Variants in PYGM observed in about 807,000 individuals in gnomAD.
The protein encoded by PYGM is glycogen phosphorylase, muscle form.
Under a neutral mutation model 99.3 loss-of-function variants are expected in PYGM, and 81 were observed. The observed-to-expected ratio is 0.82, with a 90% CI of 0.68 to 0.98. The LOEUF (loss-of-function observed/expected upper bound fraction) is 0.98, where lower values mean the gene tolerates loss of function less well. Ranked by LOEUF, PYGM falls within the 50% of genes least tolerant of loss-of-function variation. PYGM has a pLI of 0.00. For missense variants in PYGM, 1,030 were observed against 1,158.1 expected (o/e 0.89, Z 1.61); for synonymous variants, 436 against 451.5 (o/e 0.97, Z 0.44).
In PYGM at chr11:64,754,414, A is replaced by G; in HGVS notation, c.1000-69T>C. On this transcript the variant is annotated intron_variant, in intron 8 of 19. Coordinates refer to ENST00000164139, the MANE Select transcript of PYGM (RefSeq NM_005609.4). The surrounding 1 kb of genome is among the most constrained non-coding windows in gnomAD (Gnocchi z 5.5). ...CATGCTATGGTCACTGCCCTATGCC[A>G]TTTGGAGGCCCCCAGAGAGCCCAGC... 1 of 1,249,150 alleles carries G rather than the reference A, an allele frequency of 8.0e-7. No individual in the cohort carries two copies. Among genetic ancestry groups the G allele is most frequent in the Non-Finnish European group, 1.1e-6 (1 of 892,654 alleles). The allele number at this position is 1,249,150 out of a possible 1,614,324, so 77.4% of individuals were successfully genotyped here.
intron 11 of PYGM, 84 bp from the exon 12 acceptor site, chr11:64,753,271 G>T: frequency 7.5e-7 from 1 of 1,339,590 alleles, no homozygotes; most frequent in Non-Finnish European, 1.1e-6. Context: ...CTGGTGTCTT[G>T]CTGAAAGGGG....
chr11:64,751,474 GACA>G lies in PYGM; in HGVS notation c.1828-11_1828-9del, dbSNP rs771292862. The G allele has an allele frequency of 6.2e-7, 1 of 1,614,148 alleles. No homozygotes were observed. Among genetic ancestry groups the G allele is most frequent in the Non-Finnish European group, 8.5e-7 (1 of 1,180,034 alleles). On this transcript the variant is annotated splice_polypyrimidine_tract_variant and intron_variant, in intron 15 of 19. Coordinates refer to ENST00000164139, the MANE Select transcript of PYGM (RefSeq NM_005609.4). ...GTGGTACCCAGGTGCAGCCTGAGGG[GACA>G]AAGTCTGGGGTCAGCTCTACTGCCT...
Position 64,750,450 on chromosome 11 carries a change from TG to T in PYGM, c.2102del (p.Ala701GlufsTer46). The T allele has an allele frequency of 6.2e-7, 1 of 1,614,198 alleles. No individual in the cohort carries two copies. The highest frequency in any genetic ancestry group is 8.5e-7 in the Non-Finnish European group (1 of 1,180,032). On this transcript the variant is annotated frameshift_variant, in exon 17 of 20. Transcript: ENST00000164139. LOFTEE classifies it high-confidence loss of function. ...AGAAGTTTTCCTCTCCCGCCTCTTC[TG>T]CCATCTCCACATTGGCCCCGTCCAT... ...GTMDGANVEMAEEAGEENFFI... is the reference protein window; with the variant it reads ...GTMDGANVEMXEEAGEENFFI...
In PYGM at chr11:64,751,241, G is replaced by A. The variant is rs943380466; in HGVS notation, c.1969+84C>T. 2.5e-6 allele frequency: 4 copies of A among 1,574,446 alleles called. No individual in the cohort carries two copies. The African/African-American group carries it at 5.4e-5, about 21-fold the overall frequency. On this transcript the variant is annotated intron_variant, in intron 16 of 19. Coordinates refer to ENST00000164139, the MANE Select transcript of PYGM (RefSeq NM_005609.4). ...CTCCAGATTCTTCTTTCAAGTACAA[G>A]TATCCCAGGAAGAGACGACTGATAC...
In PYGM at chr11:64,754,914, A is replaced by T; in HGVS notation, c.856-78T>A. On this transcript the variant is annotated intron_variant, in intron 7 of 19. Transcript: ENST00000164139. The surrounding 1 kb of genome is among the most constrained non-coding windows in gnomAD (Gnocchi z 5.5). ...GCTGCGGTGGGTGTGGCCAGGAGGG[A>T]CTCCCACCCATACCGGGACCCCTGA... The T allele has an allele frequency of 3.2e-6, 5 of 1,575,380 alleles. No individual in the cohort carries two copies. Among genetic ancestry groups the T allele is most frequent in the Non-Finnish European group, 4.3e-6 (5 of 1,161,318 alleles).
At position 64,759,597 on chromosome 11, in the gene PYGM, C is replaced by T. The variant is rs1421003173; in HGVS notation, c.243+59G>A. ...GAGGGGCAGCCACTTAAGTCAAGAT[C>T]GCCAGCTCCCTGGCAGCGCCTTCAG... On this transcript the variant is annotated intron_variant, in intron 1 of 19. Transcript: ENST00000164139. 15 of 1,603,942 alleles carry T rather than the reference C, an allele frequency of 9.4e-6. No individual in the cohort carries two copies. In the East Asian group the frequency reaches 3.1e-4, roughly 33 times the overall value.
chr11:64,755,308 C>T lies in PYGM; in HGVS notation c.820G>A (p.Glu274Lys). ...GGGTACAGGACACGAGAGATGTTCT[C>T]CGCCAGGTTTCGGTCCAACACAGCC... The part of the protein sequence containing the change: ...IQAVLDRNLA[E>K]NISRVLYPND... The change falls in exon 7 of 20, where the codon GAG (glutamate) becomes AAG (lysine). Residue 274 changes from glutamate to lysine, a missense_variant. By Grantham distance (56) the Glu-to-Lys change is moderately conservative. Transcript: ENST00000164139. This position sits in a 1 kb window ranked among gnomAD's most constrained non-coding sequence, Gnocchi z 4.1. 1 of 1,614,134 alleles carries T rather than the reference C, an allele frequency of 6.2e-7. No homozygotes were observed. Among genetic ancestry groups the T allele is most frequent in the Non-Finnish European group, 8.5e-7 (1 of 1,180,016 alleles).
Position 64,755,649 on chromosome 11 carries a change from C to A in PYGM, c.661-91G>T. ...GGACTCAAGGCTTTATCCCTGCACT[C>A]TGCAGACCCAGGCTCTTGTCCTTGT... On this transcript the variant is annotated intron_variant, in intron 5 of 19. Transcript: ENST00000164139. The surrounding 1 kb of genome is among the most constrained non-coding windows in gnomAD (Gnocchi z 4.1). 1 of 964,476 alleles carries A rather than the reference C, an allele frequency of 1.0e-6. No homozygotes were observed. The highest frequency in any genetic ancestry group is 1.4e-5 in the South Asian group (1 of 71,472). The allele number at this position is 964,476 out of a possible 1,614,324, so 59.7% of individuals were successfully genotyped here.
rs592546 is a variant in PYGM at position 64,751,039 on chromosome 11, C to G, written c.1969+286G>C. ...CCCAAGTAGCTGGGATTATAGGCAC[C>G]TGCCATCACGCCCAGCTAATTTTTG... On this transcript the variant is annotated intron_variant, in intron 16 of 19. Transcript: ENST00000164139. 55,044 of 428,658 alleles carry G rather than the reference C, an allele frequency of 0.13. 4,961 individuals are homozygous for G. Among genetic ancestry groups the G allele is most frequent in the East Asian group, 0.39 (7,383 of 19,162 alleles). 26.6% of individuals were successfully genotyped at this position (428,658 alleles called of 1,614,324 possible).
intron 1 of PYGM, 141 bp downstream of exon 1, chr11:64,759,515 C>T: frequency 1.4e-6 from 2 of 1,396,192 alleles, no homozygotes; most frequent in Admixed American, 1.9e-5. Flanking sequence ...CAGATTGTCC[C>T]AGCACCCCTT....
rs375724338 is a variant in PYGM, at chr11:64,757,825, C to T, written c.614G>A (p.Gly205Asp). Residue 205 changes from glycine to aspartate, a missense_variant, in exon 5 of 20, where the codon GGC (glycine) becomes GAC (aspartate). Gly to Asp is a moderately conservative substitution (Grantham distance 94). Transcript: ENST00000164139. ...PEFTLPVHFY[G>D]HVEHTSQGAK... Reference sequence around the variant, plus strand: ...ACCCTGGCTGGTGTGCTCCACATGGCCGTAGAAGTGCACAGGTAGCGTGAA... The same window carrying T: ...ACCCTGGCTGGTGTGCTCCACATGGTCGTAGAAGTGCACAGGTAGCGTGAA... The T allele has an allele frequency of 1.4e-5, 22 of 1,614,042 alleles. No homozygotes were observed. Among genetic ancestry groups the T allele is most frequent in the Non-Finnish European group, 1.7e-5 (20 of 1,180,054 alleles).
At chr11:64,752,526 C>T in intron 12 of PYGM, 22 bp from the exon 13 acceptor site, 4 of 1,599,788 alleles carry the variant, frequency 2.5e-6, no homozygotes, top group Non-Finnish European at 3.4e-6. Context: ...CGGCTCTCAG[C>T]CAAGCCCATC....
In PYGM at chr11:64,754,101, G is replaced by A; in HGVS notation, c.1093-76C>T. The A allele has an allele frequency of 1.2e-6, 2 of 1,603,044 alleles. No individual in the cohort carries two copies. Among genetic ancestry groups the A allele is most frequent in the Admixed American group, 1.7e-5 (1 of 58,954 alleles). ...CCTCACACACTACGCATCCCAGTGG[G>A]CCCCCCCACTGCAGTGCCAGGTTCC... On this transcript the variant is annotated intron_variant, in intron 9 of 19. Coordinates refer to ENST00000164139, the MANE Select transcript of PYGM (RefSeq NM_005609.4). This position sits in a 1 kb window ranked among gnomAD's most constrained non-coding sequence, Gnocchi z 5.5.
chr11:64,758,378 G>A, intron 3 of PYGM, 29 bp from the exon 4 acceptor site: 1 of 1,613,030 alleles, frequency 6.2e-7, no homozygotes, highest in Non-Finnish European at 8.5e-7. Flanking sequence ...GTGGCTGTCA[G>A]GGACCCAGCA....
chr11:64,750,280 C>T, intron 17 of PYGM, 96 bp downstream of exon 17: 1 of 1,386,356 alleles, frequency 7.2e-7, no homozygotes, highest in Non-Finnish European at 1.0e-6. Context: ...CTTGCTGGGC[C>T]TGGACCAGTC....
chr11:64,760,088 GGGA>G, upstream of PYGM: 3 of 897,532 alleles, frequency 3.3e-6, no homozygotes, highest in Non-Finnish European at 4.9e-6. Flanking sequence ...TGAGGGCAAG[GGGA>G]GGAGAGGAGA....
At position 64,757,258 on chromosome 11, in the gene PYGM, A is replaced by C. The variant is rs530179583; in HGVS notation, c.660+521T>G. Among the ~76,000 whole-genome samples, 25 of 151,794 alleles carry C rather than the reference A, an allele frequency of 1.6e-4. No individual in the cohort carries two copies. In the South Asian group the frequency reaches 1.7e-3, roughly 10 times the overall value. Reference sequence around the variant, plus strand: ...TTTTTTGTAGAGACAGGGTCTCTCTATGTTGCCCAGGCTGGTCTTGAAATC... The same window carrying C: ...TTTTTTGTAGAGACAGGGTCTCTCTCTGTTGCCCAGGCTGGTCTTGAAATC... On this transcript the variant is annotated intron_variant, in intron 5 of 19. Transcript: ENST00000164139.
chr11:64,759,718 G>A lies in PYGM; in HGVS notation c.181C>T (p.Arg61Cys), dbSNP rs1413461008. The change falls in exon 1 of 20, where the codon CGC becomes TGC. Residue 61 changes from arginine to cysteine, a missense_variant. By Grantham distance (180) the Arg-to-Cys change is radical (BLOSUM62 -3). Transcript: ENST00000164139. ...DYYFALAHTVRDHLVGRWIRT... is the reference protein window; with the variant it reads ...DYYFALAHTVCDHLVGRWIRT... ...ATCCAGCGCCCCACGAGGTGGTCGC[G>A]CACGGTATGGGCCAGAGCAAAGTAG... 1.2e-5 allele frequency: 19 copies of A among 1,614,012 alleles called. No homozygotes were observed. Among genetic ancestry groups the A allele is most frequent in the Admixed American group, 3.3e-5 (2 of 60,004 alleles).
Position 64,758,467 on chromosome 11 carries a change from G to T in PYGM, c.394C>A (p.Leu132Met). Residue 132 changes from leucine to methionine, a missense_variant, in exon 3 of 20, where the codon CTG becomes ATG. Coordinates refer to ENST00000164139, the MANE Select transcript of PYGM (RefSeq NM_005609.4). ...ELEEIEEDAG[L>M]GNGGLGRLAA... Reference sequence around the variant, plus strand: ...AGCCGGCCCAGGCCCCCGTTGCCCAGCCCCGCATCCTCCTCAATTTCCTCC... The same window carrying T: ...AGCCGGCCCAGGCCCCCGTTGCCCATCCCCGCATCCTCCTCAATTTCCTCC... 1 of 1,613,986 alleles carries T rather than the reference G, an allele frequency of 6.2e-7. No individual in the cohort carries two copies. Among genetic ancestry groups the T allele is most frequent in the Non-Finnish European group, 8.5e-7 (1 of 1,179,994 alleles).
Sources: gnomAD v4.1 joint callset for allele counts (sites outside exome capture counted in the v4.1 genomes callset) on GRCh38, gnomAD v4.1.1 for gene constraint, Gnocchi (gnomAD v3.1) non-coding constraint, MANE v1.5 for transcripts, NCBI Gene and HGNC (gene_info 2026-07-23, HGNC 2026-07-21) for gene names.